SS18: variants seen among roughly 807,000 people sequenced by gnomAD.
The protein encoded by SS18 is protein SSXT.
A neutral mutation model predicts 72.5 loss-of-function variants in SS18; 28 were observed. That is an observed-to-expected ratio of 0.39 (90% CI 0.29 to 0.53). The LOEUF is 0.53. Among genes scored for constraint, SS18 ranks in the 20% least tolerant of loss-of-function variants. SS18 has a pLI of 0.76. For synonymous variants in SS18, 172 were observed against 164.2 expected, an observed-to-expected ratio of 1.05 and a Z score of -0.37; for missense variants, 518 against 535.3, an observed-to-expected ratio of 0.97 and a Z score of 0.32.
intron 5 of SS18, among the ~76,000 whole-genome samples, chr18:26,050,316 G>A (rs2053899437): frequency 6.6e-6 from 1 of 151,452 alleles, no homozygotes; most frequent in East Asian, 1.9e-4. Flanking sequence ...AAAACATTTT[G>A]CAATACTAGC....
chr18:26,078,045 G>C (rs2054448491), intron 3 of SS18, 31 bp downstream of exon 3: 1 of 1,508,650 alleles, frequency 6.6e-7, no homozygotes, highest in African/African-American at 1.4e-5. Flanking sequence ...TATAAAGATT[G>C]TCTACTTCAC....
chr18:26,082,697 A>AT (rs963764828), intron 2 of SS18, among the ~76,000 whole-genome samples: 2 of 152,224 alleles, frequency 1.3e-5, no homozygotes, highest in Non-Finnish European at 2.9e-5. Context: ...CCACTGACTC[A>AT]TGAGTGTAAT....
chr18:26,047,296 A>G (rs571997633), intron 5 of SS18, among the ~76,000 whole-genome samples: 16 of 151,372 alleles, frequency 1.1e-4, no homozygotes, highest in African/African-American at 3.4e-4. Flanking sequence ...GAAGAAGAAA[A>G]GCTCCATGGT....
intron 10 of SS18, among the ~76,000 whole-genome samples, chr18:26,030,767 G>A (rs910640438): frequency 2.0e-5 from 3 of 151,962 alleles, no homozygotes; most frequent in Non-Finnish European, 2.9e-5. Context: ...ACTGAAAATA[G>A]AGGGCAGTAT....
At chr18:26,037,948 A>G (rs1567997263) in intron 7 of SS18, among the ~76,000 whole-genome samples, 1 of 152,090 alleles carries the variant, frequency 6.6e-6, no homozygotes, top group African/African-American at 2.4e-5. Context: ...CTACAAAAAA[A>G]CAAAAAACAA....
intron 2 of SS18, among the ~76,000 whole-genome samples, chr18:26,085,330 T>C (rs953025888): frequency 3.3e-5 from 5 of 152,202 alleles, no homozygotes; most frequent in African/African-American, 9.6e-5. Flanking sequence ...CCATCGTGCC[T>C]GGCCAAAACA....
chr18:26,021,874 T>C (rs776483857), intron 10 of SS18, among the ~76,000 whole-genome samples: 22 of 152,190 alleles, frequency 1.4e-4, no homozygotes, highest in Non-Finnish European at 3.1e-4. Flanking sequence ...ATACCTATGA[T>C]ACATCTAAGC....
chr18:26,044,555 C>A (rs2053787209), intron 5 of SS18, among the ~76,000 whole-genome samples: 1 of 151,740 alleles, frequency 6.6e-6, no homozygotes, highest in Admixed American at 6.6e-5. Context: ...AACTCCTGAC[C>A]TCAGGTGATC....
At chr18:26,075,478 G>A (rs2054395508) in intron 3 of SS18, among the ~76,000 whole-genome samples, 1 of 151,842 alleles carries the variant, frequency 6.6e-6, no homozygotes, top group Non-Finnish European at 1.5e-5. Context: ...AGAAGAAAAA[G>A]TCTTATAATC....
At chr18:26,085,971 GAATAA>G (rs1213374679) in intron 2 of SS18, 13 of 151,478 alleles carry the variant, frequency 8.6e-5, no homozygotes, top group African/African-American at 2.9e-4. Flanking sequence ...ACAAGGGTGA[GAATAA>G]AATAGTCAGC....
intron 4 of SS18, among the ~76,000 whole-genome samples, chr18:26,057,003 T>C (rs1351024931): frequency 6.6e-6 from 1 of 152,228 alleles, no homozygotes; most frequent in Non-Finnish European, 1.5e-5. Flanking sequence ...AGTGTATAAA[T>C]AATGTAAGGA....
Position 26,018,370 on chromosome 18 carries a change from C to T in SS18, c.1241G>A (p.Gly414Glu), listed in dbSNP as rs1358684558. ...RPYGYDQGQY[G>E]NYQQ ...AGTACTTTTTCACTGCTGGTAATTT[C>T]CATACTGTCCCTAAAAGATAAATTT... Residue 414 changes from glycine to glutamate, a missense_variant, in exon 11 of 11, where the codon GGA becomes GAA. Physicochemically the swap from Gly to Glu is moderately conservative, Grantham distance 98. Transcript: ENST00000415083. The T allele has an allele frequency of 6.3e-7, 1 of 1,594,290 alleles. No homozygotes were observed. The highest frequency in any genetic ancestry group is 2.2e-5 in the East Asian group (1 of 44,638).
chr18:26,041,978 G>T (rs2053736353), intron 5 of SS18, among the ~76,000 whole-genome samples: 1 of 151,932 alleles, frequency 6.6e-6, no homozygotes. Context: ...AAACCACAGA[G>T]AGAATGCAGT....
intron 4 of SS18, among the ~76,000 whole-genome samples, chr18:26,054,136 T>C (rs1038179569): frequency 1.3e-5 from 2 of 152,198 alleles, no homozygotes; most frequent in Non-Finnish European, 2.9e-5. Context: ...GCTATGTACA[T>C]AGTCACTATA....
At chr18:26,060,198 G>C (rs545149695) in intron 3 of SS18, among the ~76,000 whole-genome samples, 1 of 152,068 alleles carries the variant, frequency 6.6e-6, no homozygotes, top group Non-Finnish European at 1.5e-5. Flanking sequence ...TGAATACAAC[G>C]GAATATTATT....
intron 5 of SS18, among the ~76,000 whole-genome samples, chr18:26,046,303 T>C (rs2053823607): frequency 7.1e-6 from 1 of 140,722 alleles, no homozygotes; most frequent in African/African-American, 3.2e-5. Context: ...ATTTAAAAAG[T>C]AGTTCCCTTC....
chr18:26,020,842 GAAGA>G (rs2053336091), intron 10 of SS18, among the ~76,000 whole-genome samples: 2 of 152,150 alleles, frequency 1.3e-5, no homozygotes, highest in Non-Finnish European at 2.9e-5. Context: ...AATTCAAATA[GAAGA>G]AATAGCTGAA....
In SS18 at chr18:26,090,443, C is replaced by A. The variant is rs374269325; in HGVS notation, c.69+58G>T. ...ACTCCGGGCCCGGCCCTTCCCCCCG[C>A]GTCTGTCTCTCCCAGAGGCGGTAAG... On this transcript the variant is annotated intron_variant, in intron 1 of 10. Transcript: ENST00000415083. The A allele has an allele frequency of 7.4e-5, 113 of 1,520,394 alleles. 2 individuals carry two copies. The East Asian group carries it at 1.3e-3, about 18-fold the overall frequency. 94.2% of individuals were successfully genotyped at this position (1,520,394 alleles called of 1,614,324 possible).
intron 2 of SS18, chr18:26,080,318 G>A: frequency 1.0e-6 from 1 of 985,096 alleles, no homozygotes; most frequent in African/African-American, 1.7e-5. Context: ...TTTCAGTCTA[G>A]GCCTTCAAGT....
Sources: gnomAD v4.1 joint callset for allele counts (sites outside exome capture counted in the v4.1 genomes callset) on GRCh38, gnomAD v4.1.1 for gene constraint, MANE v1.5 for transcripts, NCBI Gene and HGNC (gene_info 2026-07-23, HGNC 2026-07-21) for gene names.